The following PSD3 variants were observed in gnomAD, a reference collection of about 807,000 sequenced individuals.
The protein encoded by PSD3 is PH and SEC7 domain-containing protein 3.
A neutral mutation model predicts 105.5 loss-of-function variants in PSD3; 49 were observed. That is an observed-to-expected ratio of 0.46 (90% confidence interval 0.37 to 0.59). PSD3 has a LOEUF of 0.59. PSD3 is among the 20% of genes least tolerant of loss of function. The pLI, the probability that PSD3 is intolerant of heterozygous loss-of-function variation, is 0.00. For missense variants in PSD3, 1,561 were observed against 1,263.8 expected (o/e 1.24, Z -3.57); for synonymous variants, 557 against 457.8 (o/e 1.22, Z -2.77).
chr8:18,861,533 C>G (rs531094037), intron 4 of PSD3, among the ~76,000 whole-genome samples: 1 of 152,134 alleles, frequency 6.6e-6, no homozygotes, highest in African/African-American at 2.4e-5. Flanking sequence ...TCTGATCACA[C>G]TAGGTGTCCT....
In PSD3 at chr8:18,957,744, G is replaced by A. The variant is rs1386059889; in HGVS notation, c.22-21602C>T. Among the ~76,000 whole-genome samples, 3 of 152,146 alleles carry A rather than the reference G, an allele frequency of 2.0e-5. 1 individual carries two copies. In the East Asian group the frequency reaches 5.8e-4, roughly 29 times the overall value. On this transcript the variant is annotated intron_variant, in intron 1 of 15. Coordinates refer to ENST00000327040, the MANE Select transcript of PSD3 (RefSeq NM_015310.4). ...CAGCAGTTTCCGAGGTTCTTATGAG[G>A]CTCTCTAGCAGGAAGCCACTGCTTG... is the stretch of plus-strand genomic sequence containing the variant.
At chr8:18,945,471 T>C (rs1000458725) in intron 1 of PSD3, among the ~76,000 whole-genome samples, 1 of 152,126 alleles carries the variant, frequency 6.6e-6, no homozygotes, top group African/African-American at 2.4e-5. Context: ...AAGAAACAGA[T>C]TATCCTCTGG....
chr8:19,052,461 ACT>A (rs1382902203), intron 1 of PSD3, among the ~76,000 whole-genome samples: 6 of 126,908 alleles, frequency 4.7e-5, no homozygotes, highest in African/African-American at 1.7e-4. Flanking sequence ...ACAGAGCGAG[ACT>A]CTGTCTCAAA....
intron 4 of PSD3, among the ~76,000 whole-genome samples, chr8:18,844,129 A>G (rs1586200406): frequency 1.3e-5 from 2 of 152,206 alleles, no homozygotes; most frequent in East Asian, 3.9e-4. Context: ...TCCCATCAAT[A>G]CCCTTTAACT....
At chr8:18,676,679 G>A (rs1481282793) in intron 9 of PSD3, among the ~76,000 whole-genome samples, 1 of 152,158 alleles carries the variant, frequency 6.6e-6, no homozygotes, top group Non-Finnish European at 1.5e-5. Flanking sequence ...CAGATATGCT[G>A]ACCCGCATAC....
At position 18,532,432 on chromosome 8, in the gene PSD3, A is replaced by C. The variant is rs2129873370; in HGVS notation, c.*3311T>G. 6.6e-6 allele frequency: 1 copy of C among 152,342 alleles called. No homozygotes were observed. The highest frequency in any genetic ancestry group is 2.1e-4 in the South Asian group (1 of 4,832). The allele number at this position is 152,342 out of a possible 1,614,324, so 9.4% of individuals were successfully genotyped here. A position where few individuals can be genotyped will look rare whatever the true frequency, so the allele number is the denominator to read the frequency against. ...TCCTCATTTTCTAGATTAGGATAAC[A>C]GTTGGAGACGCATAGAGGGTCTTGT... On this transcript the variant is annotated 3_prime_UTR_variant, in exon 16 of 16. Coordinates refer to ENST00000327040, the MANE Select transcript of PSD3 (RefSeq NM_015310.4).
chr8:18,761,237 T>C (rs541525118), intron 9 of PSD3, among the ~76,000 whole-genome samples: 3 of 152,256 alleles, frequency 2.0e-5, no homozygotes, highest in South Asian at 2.1e-4. Flanking sequence ...GGTGCTTCCT[T>C]TCAAAGAGCA....
intron 1 of PSD3, among the ~76,000 whole-genome samples, chr8:19,077,529 A>G (rs1051889173): frequency 1.3e-5 from 2 of 152,188 alleles, no homozygotes; most frequent in Non-Finnish European, 2.9e-5. Flanking sequence ...AACTCCATGT[A>G]GCCGTCATTC....
intron 4 of PSD3, among the ~76,000 whole-genome samples, chr8:18,835,029 AGCC>A (rs1813991315): frequency 6.6e-6 from 1 of 152,238 alleles, no homozygotes; most frequent in South Asian, 2.1e-4. Context: ...TAGCTTTTTC[AGCC>A]ATTAAATTGG....
At chr8:18,683,671 A>C in intron 9 of PSD3, 1 of 670,090 alleles carries the variant, frequency 1.5e-6, no homozygotes, top group Non-Finnish European at 2.7e-6. Context: ...ACTCCTCGTT[A>C]CTTTCTCAGT....
At chr8:19,020,690 G>A (rs957892275) in intron 1 of PSD3, among the ~76,000 whole-genome samples, 2 of 152,048 alleles carry the variant, frequency 1.3e-5, no homozygotes, top group African/African-American at 4.8e-5. Context: ...TTGGGCCAGG[G>A]TGGTGGCAAA....
chr8:18,959,860 T>A (rs1823805220), intron 1 of PSD3, among the ~76,000 whole-genome samples: 1 of 152,126 alleles, frequency 6.6e-6, no homozygotes, highest in South Asian at 2.1e-4. Flanking sequence ...GAGCTGAGGA[T>A]CTCCTTCTTA....
intron 3 of PSD3, among the ~76,000 whole-genome samples, chr8:18,869,246 T>C (rs779833419): frequency 4.8e-5 from 7 of 145,880 alleles, no homozygotes; most frequent in Non-Finnish European, 7.5e-5. Flanking sequence ...CTGGGGTGCA[T>C]TGGTGCAATC....
intron 4 of PSD3, among the ~76,000 whole-genome samples, chr8:18,843,727 C>T (rs1814842770): frequency 6.6e-6 from 1 of 152,076 alleles, no homozygotes; most frequent in Admixed American, 6.5e-5. Context: ...ATATCAAAAG[C>T]ATGGTAAAAT....
chr8:18,552,095 G>A (rs2130096239), intron 15 of PSD3, among the ~76,000 whole-genome samples: 1 of 152,316 alleles, frequency 6.6e-6, no homozygotes, highest in East Asian at 1.9e-4. Flanking sequence ...TTGACATTAG[G>A]TGGGCTGGCA....
intron 8 of PSD3, among the ~76,000 whole-genome samples, chr8:18,784,523 C>T (rs1808941437): frequency 6.6e-6 from 1 of 152,124 alleles, no homozygotes; most frequent in Non-Finnish European, 1.5e-5. Context: ...CAAGATCACC[C>T]CAAGTTTCGG....
At chr8:18,714,797 T>C (rs996675508) in intron 9 of PSD3, among the ~76,000 whole-genome samples, 2 of 152,212 alleles carry the variant, frequency 1.3e-5, no homozygotes, top group Non-Finnish European at 2.9e-5. Context: ...CCCAAAGGAA[T>C]ATAAATTATT....
At chr8:18,963,090 G>A (rs1824022960) in intron 1 of PSD3, among the ~76,000 whole-genome samples, 1 of 152,204 alleles carries the variant, frequency 6.6e-6, no homozygotes. Context: ...TTACATGGCA[G>A]CGGCAAGAGA....
At chr8:18,607,685 A>AC (rs1563372376) in intron 11 of PSD3, among the ~76,000 whole-genome samples, 1 of 124,828 alleles carries the variant, frequency 8.0e-6, no homozygotes, top group Non-Finnish European at 1.7e-5. Flanking sequence ...CACTGCTACA[A>AC]AAAAAAAAAA....
Sources: gnomAD v4.1 joint callset for allele counts (sites outside exome capture counted in the v4.1 genomes callset) on GRCh38, gnomAD v4.1.1 for gene constraint, MANE v1.5 for transcripts, NCBI Gene and HGNC (gene_info 2026-07-23, HGNC 2026-07-21) for gene names.